The following TBK1 variants were observed in gnomAD, a reference collection of about 807,000 sequenced individuals.
TBK1 encodes the protein serine/threonine-protein kinase TBK1.
Under a neutral mutation model 99.9 loss-of-function variants are expected in TBK1, and 37 were observed. The ratio of observed to expected loss-of-function variants is 0.37; its 90% CI spans 0.28 to 0.49. TBK1 has a LOEUF of 0.49. Among genes scored for constraint, TBK1 ranks in the 20% least tolerant of loss-of-function variants. The pLI is 0.98. For synonymous variants in TBK1, 258 were observed against 279.8 expected, an observed-to-expected ratio of 0.92 and a Z score of 0.78; for missense variants, 644 against 872.5, an observed-to-expected ratio of 0.74 and a Z score of 3.30.
intron 2 of TBK1, among the ~76,000 whole-genome samples, chr12:64,457,157 T>C (rs1347076830): frequency 6.6e-6 from 1 of 152,182 alleles, no homozygotes; most frequent in Non-Finnish European, 1.5e-5. Context: ...CCTGTATTCT[T>C]GAGACTACCA....
At chr12:64,452,558 G>A (rs1406822984) in intron 1 of TBK1, 1 of 152,248 alleles carries the variant, frequency 6.6e-6, no homozygotes, top group Non-Finnish European at 1.5e-5. Flanking sequence ...GCTGCCTGGG[G>A]AGGCAGGGGC....
intron 5 of TBK1, among the ~76,000 whole-genome samples, chr12:64,469,994 G>A (rs538261096): frequency 1.1e-4 from 16 of 152,260 alleles, no homozygotes; most frequent in African/African-American, 2.6e-4. Context: ...GCTTCAGTCT[G>A]GTTCCATCAG....
At chr12:64,493,212 A>G (rs758585763) in intron 13 of TBK1, among the ~76,000 whole-genome samples, 20 of 152,122 alleles carry the variant, frequency 1.3e-4, no homozygotes, top group African/African-American at 1.7e-4. Flanking sequence ...GAGACCTTAC[A>G]GACATTTTTC....
rs1347293163 is a variant in TBK1, at chr12:64,455,953, A to G, written c.83A>G (p.His28Arg). 1.2e-6 allele frequency: 2 copies of G among 1,611,886 alleles called. No individual in the cohort carries two copies. Among genetic ancestry groups the G allele is most frequent in the Non-Finnish European group, 1.7e-6 (2 of 1,178,958 alleles). The change falls in exon 2 of 21, where the codon CAT (histidine) becomes CGT (arginine). Residue 28 changes from histidine to arginine, a missense_variant. By Grantham distance (29) the His-to-Arg change is conservative (BLOSUM62 0). Transcript: ENST00000331710. ...ACTGCAAATGTCTTTCGTGGAAGACATAAGGTTAGTACAGAGAAAACTTTG... is the reference window on the plus strand; with the variant it reads ...ACTGCAAATGTCTTTCGTGGAAGACGTAAGGTTAGTACAGAGAAAACTTTG... Reference protein sequence around the residue: ...GATANVFRGRHKKTGDLFAIK... With the variant: ...GATANVFRGRRKKTGDLFAIK...
At position 64,474,266 on chromosome 12, in the gene TBK1, GATC is replaced by G. The variant is rs2136069824; in HGVS notation, c.582_584del (p.His194del). ...GTATGAGAGAGCAGTGCTAAGAAAA[GATC>G]ATCAGAAGAAATATGGAGCAACAGT... On this transcript the variant is annotated inframe_deletion, in exon 6 of 21. Transcript: ENST00000331710. 1 of 1,613,780 alleles carries G rather than the reference GATC, an allele frequency of 6.2e-7. No homozygotes were observed. Among genetic ancestry groups the G allele is most frequent in the African/African-American group, 1.3e-5 (1 of 74,926 alleles).
chr12:64,498,826 C>T (rs1421489193), intron 20 of TBK1, among the ~76,000 whole-genome samples: 1 of 151,504 alleles, frequency 6.6e-6, no homozygotes, highest in Non-Finnish European at 1.5e-5. Context: ...CATGGTGGTG[C>T]ACACCTGTAA....
At position 64,488,860 on chromosome 12, in the gene TBK1, C is replaced by T. The variant is rs11175413; in HGVS notation, c.1442+272C>T. ...TACAAACATTAGTTGGGTGTGGTGG[C>T]GCACGCCTGTAGTCCCAGCAACTCG... On this transcript the variant is annotated intron_variant, in intron 12 of 20. Coordinates refer to ENST00000331710, the MANE Select transcript of TBK1 (RefSeq NM_013254.4). 0.31 allele frequency among the ~76,000 whole-genome samples: 47,065 copies of T among 151,918 alleles called. 7,732 individuals are homozygous for T. The highest frequency in any genetic ancestry group is 0.56 in the East Asian group (2,895 of 5,158).
intron 3 of TBK1, among the ~76,000 whole-genome samples, chr12:64,460,572 A>G (rs551457740): frequency 1.7e-4 from 26 of 152,278 alleles, no homozygotes; most frequent in African/African-American, 6.3e-4. Flanking sequence ...GCAGTGGCTC[A>G]CACCTATAAT....
At chr12:64,462,677 G>A (rs895035693) in intron 3 of TBK1, among the ~76,000 whole-genome samples, 6 of 151,612 alleles carry the variant, frequency 4.0e-5, no homozygotes, top group African/African-American at 1.5e-4. Context: ...GTGTTTTGGA[G>A]ATATGTAGAA....
Position 64,484,461 on chromosome 12 carries a change from G to A in TBK1, c.1151G>A (p.Arg384Gln), listed in dbSNP as rs138369490. ...GAAAACCCTATATTTGTAGTAAGCC[G>A]GGAACCTCTGAATACCATAGGATTA... ...TEENPIFVVS[R>Q]EPLNTIGLIY... Residue 384 changes from arginine (R) to glutamine (Q), a missense_variant, in exon 9 of 21, where the codon CGG becomes CAG. Transcript: ENST00000331710. 5.6e-5 allele frequency: 91 copies of A among 1,613,540 alleles called. No individual in the cohort carries two copies. Among genetic ancestry groups the A allele is most frequent in the African/African-American group, 5.6e-4 (42 of 74,954 alleles).
At chr12:64,483,450 A>G (rs1159122537) in intron 8 of TBK1, among the ~76,000 whole-genome samples, 1 of 152,238 alleles carries the variant, frequency 6.6e-6, no homozygotes, top group Non-Finnish European at 1.5e-5. Context: ...ACCTAGTTTT[A>G]TTAATGTATT....
At chr12:64,488,873 T>G in intron 12 of TBK1, among the ~76,000 whole-genome samples, 1 of 152,146 alleles carries the variant, frequency 6.6e-6, no homozygotes, top group East Asian at 1.9e-4. Context: ...ACGCCTGTAG[T>G]CCCAGCAACT....
In TBK1 at chr12:64,453,492, C is replaced by G. The variant is rs569029138; in HGVS notation, c.-32+1305C>G. 5.3e-5 allele frequency among the ~76,000 whole-genome samples: 8 copies of G among 152,056 alleles called. No homozygotes were observed. In the East Asian group the frequency reaches 1.4e-3, roughly 26 times the overall value. ...ATTTTTATTGCTTATTTCCTATAGT[C>G]GTATATAAAGTTTATCTAAATTAGA... On this transcript the variant is annotated intron_variant, in intron 1 of 20. Coordinates refer to ENST00000331710, the MANE Select transcript of TBK1 (RefSeq NM_013254.4).
At chr12:64,466,655 T>C (rs1269425165) in intron 4 of TBK1, among the ~76,000 whole-genome samples, 1 of 152,058 alleles carries the variant, frequency 6.6e-6, no homozygotes, top group African/African-American at 2.4e-5. Context: ...TTCCTGGTAG[T>C]ACTTAAGAGA....
chr12:64,454,106 T>G (rs2040458662), intron 1 of TBK1, among the ~76,000 whole-genome samples: 1 of 152,104 alleles, frequency 6.6e-6, no homozygotes, highest in Non-Finnish European at 1.5e-5. Context: ...TTGTTATATT[T>G]TACATTATTA....
In TBK1 at chr12:64,456,454, AG is replaced by A. The variant is rs369932164; in HGVS notation, c.87+499del. On this transcript the variant is annotated intron_variant, in intron 2 of 20. Transcript: ENST00000331710. Reference sequence around the variant, plus strand: ...AAATGAGATTCTCAACAAGGAGCCCAGGTTGAAAAGACCATATTTTGGTATA... The same window carrying A: ...AAATGAGATTCTCAACAAGGAGCCCAGTTGAAAAGACCATATTTTGGTATA... Among the ~76,000 whole-genome samples the A allele has an allele frequency of 2.9e-3, 447 of 152,320 alleles. 1 individual carries two copies. The highest frequency in any genetic ancestry group is 0.01 in the African/African-American group (422 of 41,574).
chr12:64,452,662 AAAG>A (rs1466122251), intron 1 of TBK1: 1 of 152,224 alleles, frequency 6.6e-6, no homozygotes, highest in African/African-American at 2.4e-5. Flanking sequence ...AGAGGATTAA[AAAG>A]AGACGTTTCC....
chr12:64,468,348 C>T (rs1426991157), intron 5 of TBK1, among the ~76,000 whole-genome samples: 2 of 152,070 alleles, frequency 1.3e-5, no homozygotes, highest in Non-Finnish European at 2.9e-5. Context: ...CAAAAATTAG[C>T]TGGGTGTGGT....
intron 8 of TBK1, among the ~76,000 whole-genome samples, chr12:64,482,609 C>G (rs890402173): frequency 1.3e-5 from 2 of 152,042 alleles, no homozygotes; most frequent in Non-Finnish European, 2.9e-5. Flanking sequence ...ACACTGGTTC[C>G]GTAAGATTAT....
Sources: gnomAD v4.1 joint callset for allele counts (sites outside exome capture counted in the v4.1 genomes callset) on GRCh38, gnomAD v4.1.1 for gene constraint, MANE v1.5 for transcripts, NCBI Gene and HGNC (gene_info 2026-07-23, HGNC 2026-07-21) for gene names.